TMEM196: variants seen among roughly 807,000 people sequenced by gnomAD.
TMEM196 encodes the protein transmembrane protein 196.
TMEM196 carries 17 observed loss-of-function variants against 20.0 expected under a neutral mutation model. That is an observed-to-expected ratio of 0.85 (90% CI 0.58 to 1.27). The LOEUF (loss-of-function observed/expected upper bound fraction) is 1.27. Ranked by LOEUF, TMEM196 falls within the 50% of genes most tolerant of loss-of-function variation. TMEM196 has a pLI of 0.00. For missense variants in TMEM196, 267 were observed against 223.0 expected, an observed-to-expected ratio of 1.20 and a Z score of -1.26; for synonymous variants, 113 against 88.9, an observed-to-expected ratio of 1.27 and a Z score of -1.52.
intron 1 of TMEM196, among the ~76,000 whole-genome samples, chr7:19,759,540 T>A (rs903067918): frequency 1.3e-5 from 2 of 152,092 alleles, no homozygotes; most frequent in Admixed American, 1.3e-4. Context: ...TATCTAACAG[T>A]CCACAGCATC....
At chr7:19,738,395 A>C (rs1202238181) in intron 1 of TMEM196, among the ~76,000 whole-genome samples, 2 of 152,064 alleles carry the variant, frequency 1.3e-5, no homozygotes, top group Non-Finnish European at 2.9e-5. Flanking sequence ...ATTTATATAG[A>C]TGTCTATACA....
intron 1 of TMEM196, among the ~76,000 whole-genome samples, chr7:19,761,060 G>C (rs1007368883): frequency 6.6e-6 from 1 of 152,118 alleles, no homozygotes; most frequent in African/African-American, 2.4e-5. Flanking sequence ...ATCTTCATAA[G>C]CCTAATCCCT....
intron 1 of TMEM196, among the ~76,000 whole-genome samples, chr7:19,739,548 T>G (rs1188882189): frequency 3.3e-5 from 5 of 151,988 alleles, no homozygotes; most frequent in Non-Finnish European, 2.9e-5. Flanking sequence ...AAGCAAAGAG[T>G]GAACCCTCAA....
At chr7:19,759,643 C>A (rs186609631) in intron 1 of TMEM196, among the ~76,000 whole-genome samples, 1 of 151,988 alleles carries the variant, frequency 6.6e-6, no homozygotes, top group Non-Finnish European at 1.5e-5. Flanking sequence ...CACATGCACG[C>A]ACACACACGC....
Position 19,722,129 on chromosome 7 carries a change from T to C in TMEM196, c.539A>G (p.Ter180=), listed in dbSNP as rs2128010684. ...PPTPELPTRK[*] Reference sequence around the variant, plus strand: ...GTCCTCCATTGCTCATGTTGTCTGTTATTTCCTGTTAGAAAAATGACATGA... The same window carrying C: ...GTCCTCCATTGCTCATGTTGTCTGTCATTTCCTGTTAGAAAAATGACATGA... Residue 180 remains the stop codon, a stop_retained_variant, in exon 5 of 5, where the codon TAA becomes TGA. Transcript: ENST00000405844. The C allele has an allele frequency of 6.2e-7, 1 of 1,607,674 alleles. No homozygotes were observed. The highest frequency in any genetic ancestry group is 8.5e-7 in the Non-Finnish European group (1 of 1,176,968).
intron 1 of TMEM196, among the ~76,000 whole-genome samples, chr7:19,764,859 T>G (rs1785564107): frequency 1.3e-5 from 2 of 152,144 alleles, no homozygotes; most frequent in African/African-American, 4.8e-5. Flanking sequence ...ACTTAGCCTT[T>G]AAGACATCCT....
intron 1 of TMEM196, among the ~76,000 whole-genome samples, chr7:19,741,656 A>T (rs192410500): frequency 1.5e-4 from 23 of 152,154 alleles, no homozygotes; most frequent in African/African-American, 5.6e-4. Context: ...TTGAGATGTC[A>T]ATACAAATAG....
chr7:19,757,461 C>A (rs529580457), intron 1 of TMEM196, among the ~76,000 whole-genome samples: 2 of 149,660 alleles, frequency 1.3e-5, no homozygotes, highest in South Asian at 4.2e-4. Context: ...AGGCTAGTCT[C>A]GAACTCCTAA....
chr7:19,724,865 A>G (rs1446962843), intron 3 of TMEM196, among the ~76,000 whole-genome samples: 2 of 152,232 alleles, frequency 1.3e-5, no homozygotes, highest in South Asian at 4.1e-4. Flanking sequence ...AAAATGTAAT[A>G]GAAACACAGA....
chr7:19,749,159 T>G lies in TMEM196; in HGVS notation c.148-19721A>C, dbSNP rs149423784. 5.9e-5 allele frequency among the ~76,000 whole-genome samples: 9 copies of G among 152,334 alleles called. 2 individuals carry two copies. The highest frequency in any genetic ancestry group is 2.2e-4 in the African/African-American group (9 of 41,572). ...CAGAAATTTGTCCTGATCACTTTAT[T>G]TAGGCCATTGGTCTATGGCTTTTAC... On this transcript the variant is annotated intron_variant, in intron 1 of 4. Transcript: ENST00000405844.
At chr7:19,768,427 G>T (rs182535522) in intron 1 of TMEM196, among the ~76,000 whole-genome samples, 1 of 151,956 alleles carries the variant, frequency 6.6e-6, no homozygotes. Flanking sequence ...AATTCTCAGG[G>T]ATTTATAAAT....
chr7:19,739,100 A>C (rs1254218914), intron 1 of TMEM196, among the ~76,000 whole-genome samples: 1 of 152,138 alleles, frequency 6.6e-6, no homozygotes, highest in Non-Finnish European at 1.5e-5. Context: ...CACTTGTGTT[A>C]TACATTGGAG....
intron 1 of TMEM196, among the ~76,000 whole-genome samples, chr7:19,740,719 G>A (rs909285117): frequency 3.3e-5 from 5 of 152,080 alleles, no homozygotes; most frequent in African/African-American, 7.2e-5. Flanking sequence ...CACAACCACC[G>A]AGGTCATTGT....
intron 1 of TMEM196, among the ~76,000 whole-genome samples, chr7:19,762,183 A>G (rs1255929558): frequency 6.6e-6 from 1 of 152,116 alleles, no homozygotes; most frequent in Non-Finnish European, 1.5e-5. Flanking sequence ...AATAAATCTT[A>G]GTTATAGTCA....
intron 1 of TMEM196, among the ~76,000 whole-genome samples, chr7:19,756,048 A>G (rs76513540): frequency 6.7e-6 from 1 of 149,248 alleles, no homozygotes; most frequent in Middle Eastern, 3.2e-3. Context: ...AAAAAAAAAA[A>G]GCATGAAGTT....
At position 19,748,796 on chromosome 7, in the gene TMEM196, G is replaced by C. The variant is rs550107383; in HGVS notation, c.148-19358C>G. On this transcript the variant is annotated intron_variant, in intron 1 of 4. Transcript: ENST00000405844. Reference sequence around the variant, plus strand: ...ATGAGATAAGGCAGAAAGTTTTTTAGGAGGTAGAGACAATATTTGCCTTAA... The same window carrying C: ...ATGAGATAAGGCAGAAAGTTTTTTACGAGGTAGAGACAATATTTGCCTTAA... Among the ~76,000 whole-genome samples, 7 of 152,276 alleles carry C rather than the reference G, an allele frequency of 4.6e-5. No homozygotes were observed. The South Asian group carries it at 1.4e-3, about 32-fold the overall frequency.
At chr7:19,731,391 T>C (rs1457533431) in intron 1 of TMEM196, among the ~76,000 whole-genome samples, 1 of 152,054 alleles carries the variant, frequency 6.6e-6, no homozygotes, top group East Asian at 1.9e-4. Flanking sequence ...TGTCCTCTTA[T>C]GGACTCTTTC....
chr7:19,730,660 A>G (rs1422137213), intron 1 of TMEM196, among the ~76,000 whole-genome samples: 2 of 152,222 alleles, frequency 1.3e-5, no homozygotes, highest in Non-Finnish European at 2.9e-5. Flanking sequence ...ACCTGGATAG[A>G]TTTATTTCCA....
chr7:19,755,320 A>T (rs1463809670), intron 1 of TMEM196, among the ~76,000 whole-genome samples: 1 of 152,200 alleles, frequency 6.6e-6, no homozygotes, highest in Non-Finnish European at 1.5e-5. Flanking sequence ...ATTAAAATAT[A>T]TATTAAACCT....
Sources: allele counts gnomAD v4.1 joint callset (sites outside exome capture counted in the v4.1 genomes callset), GRCh38; gene constraint gnomAD v4.1.1; transcripts MANE v1.5; gene names NCBI Gene and HGNC (gene_info 2026-07-23, HGNC 2026-07-21).